The following INPP4B variants were observed in gnomAD, a reference collection of about 807,000 sequenced individuals.
INPP4B encodes the protein inositol polyphosphate-4-phosphatase type II B.
Under a neutral mutation model 122.5 loss-of-function variants are expected in INPP4B, and 55 were observed. The observed-to-expected ratio is 0.45, with a 90% CI of 0.36 to 0.56. The LOEUF (loss-of-function observed/expected upper bound fraction) is 0.56, where lower values mean the gene tolerates loss of function less well. Among genes scored for constraint, INPP4B ranks in the 20% least tolerant of loss-of-function variants. The probability of loss-of-function intolerance (pLI) is 0.00; values close to 1 mark genes in which losing one functional copy is unlikely to be tolerated. For synonymous variants in INPP4B, 403 were observed against 388.7 expected (o/e 1.04, Z -0.43); for missense variants, 1,000 against 1,097.7 (o/e 0.91, Z 1.26).
intron 2 of INPP4B, among the ~76,000 whole-genome samples, chr4:142,509,630 T>C (rs150869659): frequency 3.9e-5 from 6 of 152,320 alleles, no homozygotes; most frequent in Non-Finnish European, 7.3e-5. Flanking sequence ...GCTAGCCATA[T>C]GCAGAAAACT....
At chr4:142,624,683 G>A (rs556646501) in intron 2 of INPP4B, among the ~76,000 whole-genome samples, 1 of 152,216 alleles carries the variant, frequency 6.6e-6, no homozygotes, top group South Asian at 2.1e-4. Flanking sequence ...CCCCAAAAAA[G>A]AGAATTTTAG....
At chr4:142,674,416 GTTAA>G (rs1201166286) in intron 2 of INPP4B, among the ~76,000 whole-genome samples, 2 of 152,012 alleles carry the variant, frequency 1.3e-5, no homozygotes, top group Non-Finnish European at 2.9e-5. Flanking sequence ...GTTAACTCCT[GTTAA>G]AAAACCATAA....
At chr4:142,588,701 TAAATG>T (rs1016815281) in intron 2 of INPP4B, among the ~76,000 whole-genome samples, 1 of 151,622 alleles carries the variant, frequency 6.6e-6, no homozygotes, top group African/African-American at 2.4e-5. Context: ...AAGTTCTAAA[TAAATG>T]AAAAGATATC....
intron 1 of INPP4B, among the ~76,000 whole-genome samples, chr4:142,741,557 G>A (rs777080566): frequency 3.3e-5 from 5 of 149,962 alleles, no homozygotes; most frequent in Non-Finnish European, 6.0e-5. Flanking sequence ...ACATAACAAA[G>A]GAATAATAGG....
chr4:142,751,251 A>T lies in INPP4B; in HGVS notation c.-253-25350T>A, dbSNP rs538356342. Among the ~76,000 whole-genome samples, 327 of 149,490 alleles carry T rather than the reference A, an allele frequency of 2.2e-3. 1 individual carries two copies. The highest frequency in any genetic ancestry group is 7.7e-3 in the African/African-American group (312 of 40,286). ...CAGAAAGTTTTGTTTCCTTGTTTTC[A>T]TAAAAAGCCAAAGTAATGGAGTTAA... On this transcript the variant is annotated intron_variant, in intron 1 of 25. Coordinates refer to ENST00000262992, the MANE Select transcript of INPP4B (RefSeq NM_001101669.3).
chr4:142,737,794 C>A (rs1009422026), intron 1 of INPP4B, among the ~76,000 whole-genome samples: 1 of 152,012 alleles, frequency 6.6e-6, no homozygotes, highest in Non-Finnish European at 1.5e-5. Flanking sequence ...AAAAAGTGAG[C>A]GAAGGATATG....
intron 16 of INPP4B, among the ~76,000 whole-genome samples, chr4:142,169,845 T>C (rs1824681532): frequency 6.6e-6 from 1 of 151,626 alleles, no homozygotes. Flanking sequence ...CACACATAAT[T>C]AAGTGCTCAA....
intron 1 of INPP4B, among the ~76,000 whole-genome samples, chr4:142,743,500 C>G (rs545772777): frequency 6.6e-6 from 1 of 151,878 alleles, no homozygotes; most frequent in Admixed American, 6.6e-5. Context: ...AGAGTTACTG[C>G]TACTGATTGA....
intron 2 of INPP4B, among the ~76,000 whole-genome samples, chr4:142,710,344 A>T (rs1762957833): frequency 6.6e-6 from 1 of 152,224 alleles, no homozygotes; most frequent in Non-Finnish European, 1.5e-5. Flanking sequence ...GATGTTTTTG[A>T]AAGTTTCAAC....
At chr4:142,199,826 G>A (rs534608246) in intron 14 of INPP4B, among the ~76,000 whole-genome samples, 1 of 152,158 alleles carries the variant, frequency 6.6e-6, no homozygotes, top group East Asian at 1.9e-4. Context: ...ATCAGTGTAT[G>A]TTTCGGTACT....
intron 12 of INPP4B, among the ~76,000 whole-genome samples, chr4:142,231,634 C>A (rs867177815): frequency 7.9e-5 from 12 of 152,078 alleles, no homozygotes; most frequent in African/African-American, 2.4e-4. Flanking sequence ...TTCAAGAAAT[C>A]TTTATCTGTG....
Position 142,186,964 on chromosome 4 carries a change from T to C in INPP4B, c.1181+6123A>G, listed in dbSNP as rs368445067. On this transcript the variant is annotated intron_variant, in intron 15 of 25. Coordinates refer to ENST00000262992, the MANE Select transcript of INPP4B (RefSeq NM_001101669.3). ...TTGGTGTTATATACAAGGAGTTGTA[T>C]ATAGGAAAGTCCACATGGAGAAGAG... 4.6e-5 allele frequency among the ~76,000 whole-genome samples: 7 copies of C among 152,116 alleles called. No homozygotes were observed. In the South Asian group the frequency reaches 1.0e-3, roughly 22 times the overall value.
At chr4:142,575,993 A>G (rs1733744913) in intron 2 of INPP4B, among the ~76,000 whole-genome samples, 1 of 152,022 alleles carries the variant, frequency 6.6e-6, no homozygotes, top group Non-Finnish European at 1.5e-5. Context: ...GCTGTTACAA[A>G]TACACCACGT....
Position 142,082,093 on chromosome 4 carries a change from G to A in INPP4B, c.2580C>T (p.Ile860=). The change falls in exon 25 of 26, where the codon ATC becomes ATT. Residue 860 remains isoleucine, a synonymous_variant. Transcript: ENST00000262992. ...TGTGTAACTGGTGCTCATCTCTCAA[G>A]ATTGAGCATTGTTCAAGTGTCACTG... is the stretch of plus-strand genomic sequence containing the variant. The part of the protein sequence containing the change: ...SMSVTLEQCS[I]LRDEHQLHKD... The A allele has an allele frequency of 6.6e-7, 1 of 1,505,876 alleles. No individual in the cohort carries two copies. Among genetic ancestry groups the A allele is most frequent in the Non-Finnish European group, 9.1e-7 (1 of 1,104,392 alleles). The allele number at this position is 1,505,876 out of a possible 1,614,324, so 93.3% of individuals were successfully genotyped here. A position where few individuals can be genotyped will look rare whatever the true frequency, so the allele number is the denominator to read the frequency against.
At chr4:142,471,197 T>G (rs949264428) in intron 2 of INPP4B, among the ~76,000 whole-genome samples, 1 of 152,212 alleles carries the variant, frequency 6.6e-6, no homozygotes, top group African/African-American at 2.4e-5. Context: ...TATCACCAAA[T>G]GCTGTTATTT....
At chr4:142,189,203 T>G (rs1210700892) in intron 15 of INPP4B, among the ~76,000 whole-genome samples, 1 of 152,192 alleles carries the variant, frequency 6.6e-6, no homozygotes, top group African/African-American at 2.4e-5. Context: ...TCTGTGTTGT[T>G]GTTTGCAGTG....
chr4:142,309,155 C>G (rs6849191), intron 8 of INPP4B, among the ~76,000 whole-genome samples: 1 of 152,062 alleles, frequency 6.6e-6, no homozygotes, highest in East Asian at 1.9e-4. Flanking sequence ...ATAAATAGAA[C>G]TTTGCATAGT....
chr4:142,346,369 G>A (rs1214907217), intron 7 of INPP4B, among the ~76,000 whole-genome samples: 1 of 151,722 alleles, frequency 6.6e-6, no homozygotes, highest in East Asian at 1.9e-4. Flanking sequence ...GAGACTTTGG[G>A]AACAAGAAGG....
intron 14 of INPP4B, among the ~76,000 whole-genome samples, chr4:142,199,878 C>T (rs975496536): frequency 6.6e-6 from 1 of 152,000 alleles, no homozygotes; most frequent in Non-Finnish European, 1.5e-5. Flanking sequence ...CCTGCCACTA[C>T]TGACAGTTAA....
Sources: allele counts gnomAD v4.1 joint callset (sites outside exome capture counted in the v4.1 genomes callset), GRCh38; gene constraint gnomAD v4.1.1; transcripts MANE v1.5; gene names NCBI Gene and HGNC (gene_info 2026-07-23, HGNC 2026-07-21).